PALS2: variants seen among roughly 807,000 people sequenced by gnomAD.
The protein encoded by PALS2 is protein associated with LIN7 2, MAGUK p55 family member, also known as protein PALS2.
PALS2 carries 27 observed loss-of-function variants against 61.6 expected under a neutral mutation model. The ratio of observed to expected loss-of-function variants is 0.44; its 90% CI spans 0.32 to 0.60. The LOEUF (loss-of-function observed/expected upper bound fraction) is 0.60. PALS2 is among the 20% of genes least tolerant of loss of function. The probability of loss-of-function intolerance (pLI) is 0.05; values close to 1 mark genes in which losing one functional copy is unlikely to be tolerated. For synonymous variants in PALS2, 236 were observed against 218.6 expected, an observed-to-expected ratio of 1.08 and a Z score of -0.70; for missense variants, 554 against 639.4, an observed-to-expected ratio of 0.87 and a Z score of 1.44.
At chr7:24,666,486 C>T (rs997530706) in intron 8 of PALS2, among the ~76,000 whole-genome samples, 2 of 152,166 alleles carry the variant, frequency 1.3e-5, no homozygotes, top group African/African-American at 2.4e-5. Flanking sequence ...TGCCATAACA[C>T]TGACCATGAT....
At chr7:24,617,753 G>C (rs925450686) in intron 1 of PALS2, among the ~76,000 whole-genome samples, 1 of 152,166 alleles carries the variant, frequency 6.6e-6, no homozygotes, top group Admixed American at 6.5e-5. Flanking sequence ...ATGAGTGAAC[G>C]CTGTGATGAG....
At chr7:24,603,826 C>T (rs971452728) in intron 1 of PALS2, among the ~76,000 whole-genome samples, 5 of 151,630 alleles carry the variant, frequency 3.3e-5, no homozygotes, top group African/African-American at 1.2e-4. Context: ...AAGTCTAGAC[C>T]AATTATTTAA....
At chr7:24,644,095 CTT>C (rs59645237) in intron 3 of PALS2, among the ~76,000 whole-genome samples, 38 of 134,144 alleles carry the variant, frequency 2.8e-4, no homozygotes, top group Non-Finnish European at 2.6e-4. Context: ...TTTCTTTTTT[CTT>C]TTTTTTTTTT....
intron 2 of PALS2, 91 bp from the exon 3 acceptor site, chr7:24,641,625 T>C: frequency 1.8e-6 from 2 of 1,136,506 alleles, no homozygotes; most frequent in Admixed American, 2.8e-5. Flanking sequence ...CCAAGTAATA[T>C]ATTTTAAAAC....
intron 3 of PALS2, among the ~76,000 whole-genome samples, chr7:24,648,051 G>A (rs765512283): frequency 2.0e-5 from 3 of 152,246 alleles, no homozygotes; most frequent in Admixed American, 1.3e-4. Flanking sequence ...TTTATAGGAA[G>A]AATCCTTACA....
At chr7:24,657,590 C>T (rs990209132) in intron 5 of PALS2, among the ~76,000 whole-genome samples, 1 of 152,088 alleles carries the variant, frequency 6.6e-6, no homozygotes, top group Non-Finnish European at 1.5e-5. Context: ...TTTATGTATT[C>T]ATTATACAAG....
chr7:24,574,660 T>C (rs974325563), intron 1 of PALS2, among the ~76,000 whole-genome samples: 2 of 152,142 alleles, frequency 1.3e-5, no homozygotes, highest in South Asian at 2.1e-4. Context: ...TGGAGAGTGT[T>C]GGAATTTTAC....
chr7:24,615,693 C>A (rs1784270980), intron 1 of PALS2, among the ~76,000 whole-genome samples: 1 of 151,980 alleles, frequency 6.6e-6, no homozygotes, highest in African/African-American at 2.4e-5. Context: ...GGAGGGAATT[C>A]TTCTAAACTC....
chr7:24,664,813 A>AT (rs936103281), intron 6 of PALS2, among the ~76,000 whole-genome samples: 13 of 151,378 alleles, frequency 8.6e-5, no homozygotes, highest in Non-Finnish European at 1.6e-4. Context: ...CCAGTTTTCC[A>AT]TTTTTTTTCT....
chr7:24,642,905 A>G (rs2128072370), intron 3 of PALS2, among the ~76,000 whole-genome samples: 1 of 152,240 alleles, frequency 6.6e-6, no homozygotes, highest in South Asian at 2.1e-4. Context: ...GGGGGAGATG[A>G]ATAGGAAAGG....
At chr7:24,574,434 C>G (rs1782572354) in intron 1 of PALS2, among the ~76,000 whole-genome samples, 1 of 151,592 alleles carries the variant, frequency 6.6e-6, no homozygotes, top group Admixed American at 6.6e-5. Flanking sequence ...TAACACTTTA[C>G]TGGGAGTTTA....
chr7:24,626,020 A>C (rs1046362994), intron 2 of PALS2, among the ~76,000 whole-genome samples: 14 of 152,214 alleles, frequency 9.2e-5, no homozygotes, highest in Admixed American at 9.2e-4. Context: ...GCCACTAATC[A>C]TGAGAAAAAC....
In PALS2 at chr7:24,596,022, C is replaced by G. The variant is rs1162142298; in HGVS notation, c.-3+22429C>G. 2.0e-5 allele frequency among the ~76,000 whole-genome samples: 3 copies of G among 151,862 alleles called. No homozygotes were observed. The highest frequency in any genetic ancestry group is 6.6e-5 in the Admixed American group (1 of 15,212). ...TGGAGAAGTTGAACGCAGAGAGGTA[C>G]AGTGGGTGACAAATCATGAAGGCGC... On this transcript the variant is annotated intron_variant, in intron 1 of 11. Transcript: ENST00000222644. The surrounding 1 kb of genome is among the most constrained non-coding windows in gnomAD (Gnocchi z 4.5).
At chr7:24,587,430 T>A (rs1451809661) in intron 1 of PALS2, among the ~76,000 whole-genome samples, 2 of 152,138 alleles carry the variant, frequency 1.3e-5, no homozygotes, top group African/African-American at 4.8e-5. Context: ...CCCAGTCGAG[T>A]ACAGTGGCCT....
intron 9 of PALS2, among the ~76,000 whole-genome samples, chr7:24,678,605 G>T (rs937726318): frequency 1.3e-5 from 2 of 152,168 alleles, no homozygotes; most frequent in Admixed American, 6.6e-5. Flanking sequence ...AAGTGTTAAT[G>T]TGGAAAGAAA....
chr7:24,594,892 A>G (rs1783440354), intron 1 of PALS2, among the ~76,000 whole-genome samples: 1 of 152,168 alleles, frequency 6.6e-6, no homozygotes, highest in South Asian at 2.1e-4. Flanking sequence ...AATATTGTGA[A>G]AATTACAAAA....
chr7:24,670,151 A>G (rs924868797), intron 9 of PALS2, among the ~76,000 whole-genome samples: 1 of 152,092 alleles, frequency 6.6e-6, no homozygotes, highest in Non-Finnish European at 1.5e-5. Context: ...TGTCCTTCCA[A>G]TATAAAGATA....
intron 1 of PALS2, among the ~76,000 whole-genome samples, chr7:24,601,968 A>G (rs1304855562): frequency 1.3e-5 from 2 of 151,788 alleles, no homozygotes; most frequent in Non-Finnish European, 2.9e-5. Context: ...TACATCTTTC[A>G]TTTCTGGAAA....
intron 11 of PALS2, among the ~76,000 whole-genome samples, chr7:24,684,107 C>G (rs1788074440): frequency 6.6e-6 from 1 of 151,936 alleles, no homozygotes; most frequent in Admixed American, 6.6e-5. Flanking sequence ...ACAGTCAGAT[C>G]ACTATGGGGT....
Sources: allele counts gnomAD v4.1 joint callset (sites outside exome capture counted in the v4.1 genomes callset), GRCh38; gene constraint gnomAD v4.1.1; non-coding constraint Gnocchi (gnomAD v3.1); transcripts MANE v1.5; gene names NCBI Gene and HGNC (gene_info 2026-07-23, HGNC 2026-07-21).